UCK2: variants seen among roughly 807,000 people sequenced by gnomAD.
UCK2 encodes the protein uridine-cytidine kinase 2.
Under a neutral mutation model 30.8 loss-of-function variants are expected in UCK2, and 6 were observed. That is an observed-to-expected ratio of 0.19 (90% CI 0.11 to 0.38). The LOEUF is 0.38. Among genes scored for constraint, UCK2 ranks in the 10% least tolerant of loss-of-function variants. UCK2 has a pLI of 1.00. For synonymous variants in UCK2, 125 were observed against 133.6 expected, an observed-to-expected ratio of 0.94 and a Z score of 0.45; for missense variants, 210 against 339.8, an observed-to-expected ratio of 0.62 and a Z score of 3.00.
At chr1:165,871,114 C>T (rs1423261486) in intron 1 of UCK2, among the ~76,000 whole-genome samples, 4 of 152,122 alleles carry the variant, frequency 2.6e-5, no homozygotes, top group Admixed American at 6.5e-5. Flanking sequence ...CCTCGCCTGG[C>T]CCCTGTTAGT....
At chr1:165,880,072 A>T (rs1391790833) in intron 1 of UCK2, among the ~76,000 whole-genome samples, 3 of 152,354 alleles carry the variant, frequency 2.0e-5, no homozygotes, top group Middle Eastern at 6.8e-3. Context: ...ACTTTGTACA[A>T]CAAAGCACTG....
chr1:165,886,589 C>G (rs953362938), intron 1 of UCK2, among the ~76,000 whole-genome samples: 1 of 152,152 alleles, frequency 6.6e-6, no homozygotes, highest in Non-Finnish European at 1.5e-5. Flanking sequence ...GCCACTGTGC[C>G]CAGCTGAATT....
chr1:165,907,341 C>T (rs473222), intron 6 of UCK2, among the ~76,000 whole-genome samples: 113,032 of 152,092 alleles, frequency 0.74, 42,638 homozygotes, highest in African/African-American at 0.86. Context: ...AGCTAATTGA[C>T]GTGTCAGAAC....
At chr1:165,857,412 C>A (rs1261385978) in intron 1 of UCK2, among the ~76,000 whole-genome samples, 1 of 152,164 alleles carries the variant, frequency 6.6e-6, no homozygotes, top group African/African-American at 2.4e-5. Flanking sequence ...ACTGACATAA[C>A]CCATGACAGT....
chr1:165,910,190 G>C lies in UCK2; in HGVS notation c.*2367G>C, dbSNP rs1193005035. ...TTCTGGAACAAGGAAGGGATGGAAG[G>C]CTCTACCCCTCCGTGGCAGCCCAGC... On this transcript the variant is annotated 3_prime_UTR_variant, in exon 7 of 7. Coordinates refer to ENST00000367879, the MANE Select transcript of UCK2 (RefSeq NM_012474.5). 1 of 152,224 alleles carries C rather than the reference G, an allele frequency of 6.6e-6. No individual in the cohort carries two copies. Among genetic ancestry groups the C allele is most frequent in the Non-Finnish European group, 1.5e-5 (1 of 68,054 alleles). 9.4% of individuals were successfully genotyped at this position (152,224 alleles called of 1,614,324 possible).
At chr1:165,887,835 A>T (rs1655658761) in intron 1 of UCK2, among the ~76,000 whole-genome samples, 1 of 151,464 alleles carries the variant, frequency 6.6e-6, no homozygotes, top group African/African-American at 2.4e-5. Flanking sequence ...TTCACTTTTG[A>T]ATCTAGTTTA....
At chr1:165,843,385 A>G (rs1654376229) in intron 1 of UCK2, among the ~76,000 whole-genome samples, 1 of 152,172 alleles carries the variant, frequency 6.6e-6, no homozygotes, top group Non-Finnish European at 1.5e-5. Context: ...TTTATGGCAA[A>G]AATTAGGGAC....
intron 1 of UCK2, among the ~76,000 whole-genome samples, chr1:165,837,307 A>G (rs192316104): frequency 1.3e-5 from 2 of 152,334 alleles, no homozygotes; most frequent in Admixed American, 1.3e-4. Flanking sequence ...CAGTTCTGTA[A>G]CTAGCCTTGA....
intron 1 of UCK2, among the ~76,000 whole-genome samples, chr1:165,846,019 C>T (rs1654440101): frequency 6.6e-6 from 1 of 152,162 alleles, no homozygotes; most frequent in South Asian, 2.1e-4. Flanking sequence ...TGACCAGGTG[C>T]AGTGGCTCAT....
intron 1 of UCK2, among the ~76,000 whole-genome samples, chr1:165,835,649 A>C (rs1038061224): frequency 1.3e-5 from 2 of 152,210 alleles, no homozygotes; most frequent in African/African-American, 2.4e-5. Context: ...AATCTATAAT[A>C]ATTTGACCTA....
intron 4 of UCK2, among the ~76,000 whole-genome samples, chr1:165,901,980 AT>A (rs1177601029): frequency 6.6e-6 from 1 of 150,940 alleles, no homozygotes; most frequent in African/African-American, 2.5e-5. Flanking sequence ...CACACCTGTA[AT>A]TCCCAGCACT....
chr1:165,846,263 C>T (rs1452176872), intron 1 of UCK2, among the ~76,000 whole-genome samples: 1 of 152,188 alleles, frequency 6.6e-6, no homozygotes, highest in Non-Finnish European at 1.5e-5. Flanking sequence ...GATTGTGCCA[C>T]TGTGCTCCAA....
At chr1:165,867,955 T>G (rs765734786) in intron 1 of UCK2, among the ~76,000 whole-genome samples, 55 of 152,332 alleles carry the variant, frequency 3.6e-4, no homozygotes, top group Middle Eastern at 3.4e-3. Flanking sequence ...GCTGTAGCCT[T>G]ACGAAATGTA....
chr1:165,903,104 C>T, intron 4 of UCK2, 78 bp from the exon 5 acceptor site: 1 of 1,082,898 alleles, frequency 9.2e-7, no homozygotes, highest in Non-Finnish European at 1.4e-6. Flanking sequence ...CCTGTGGGAG[C>T]TAGGTCCACC....
At chr1:165,831,140 G>A (rs1045666281) in intron 1 of UCK2, among the ~76,000 whole-genome samples, 8 of 151,800 alleles carry the variant, frequency 5.3e-5, no homozygotes, top group Admixed American at 1.3e-4. Flanking sequence ...GGCTGAGTAC[G>A]GTGGCTCACA....
intron 1 of UCK2, among the ~76,000 whole-genome samples, chr1:165,851,260 T>C (rs2101858237): frequency 6.6e-6 from 1 of 152,324 alleles, no homozygotes; most frequent in East Asian, 1.9e-4. Flanking sequence ...CATGATGGTT[T>C]TTCTTTCTGT....
Position 165,903,002 on chromosome 1 carries a change from T to G in UCK2, c.500-180T>G, listed in dbSNP as rs553296704. 193 of 463,262 alleles carry G rather than the reference T, an allele frequency of 4.2e-4. 1 individual carries two copies. The highest frequency in any genetic ancestry group is 3.6e-3 in the African/African-American group (184 of 51,206). 28.7% of individuals were successfully genotyped at this position (463,262 alleles called of 1,614,324 possible). The stretch of plus-strand genomic sequence containing the variant: ...GTTTGACCATTGTAAGATGTCAGAA[T>G]GTAACTTGTCTTTTCCGAAGCCGCT... On this transcript the variant is annotated intron_variant, in intron 4 of 6. Coordinates refer to ENST00000367879, the MANE Select transcript of UCK2 (RefSeq NM_012474.5).
At chr1:165,838,813 C>T (rs913339272) in intron 1 of UCK2, among the ~76,000 whole-genome samples, 1 of 151,526 alleles carries the variant, frequency 6.6e-6, no homozygotes, top group African/African-American at 2.4e-5. Flanking sequence ...TTTGGGAGGC[C>T]GGGATGGGCA....
At chr1:165,870,103 A>G (rs1240417154) in intron 1 of UCK2, among the ~76,000 whole-genome samples, 1 of 151,060 alleles carries the variant, frequency 6.6e-6, no homozygotes, top group African/African-American at 2.4e-5. Flanking sequence ...TTAGCCCTTA[A>G]GTTTAGGTAT....
Sources: gnomAD v4.1 joint callset for allele counts (sites outside exome capture counted in the v4.1 genomes callset) on GRCh38, gnomAD v4.1.1 for gene constraint, MANE v1.5 for transcripts, NCBI Gene and HGNC (gene_info 2026-07-23, HGNC 2026-07-21) for gene names.